The following AMIGO1 variants were observed in gnomAD, a reference collection of about 807,000 sequenced individuals.
AMIGO1 encodes the protein amphoterin-induced protein 1.
For synonymous variants in AMIGO1, 249 were observed against 266.3 expected, an observed-to-expected ratio of 0.93 and a Z score of 0.63; for missense variants, 361 against 612.3, an observed-to-expected ratio of 0.59 and a Z score of 4.33.
rs748921792 is a variant in AMIGO1, at chr1:109,508,007, C to T, written c.906G>A (p.Val302=). The part of the protein sequence containing the change: ...TKQQGMTKVW[V]TPSNERVLDE... ...CTAGCACCCGTTCATTACTTGGTGT[C>T]ACCCACACCTTGGTCATCCCTTGCT... Residue 302 remains valine (V), a synonymous_variant, in exon 2 of 2, where the codon GTG becomes GTA. Coordinates refer to ENST00000369864, the MANE Select transcript of AMIGO1 (RefSeq NM_020703.4). This position sits in a 1 kb window ranked among gnomAD's most constrained non-coding sequence, Gnocchi z 7.8. The T allele has an allele frequency of 3.1e-6, 5 of 1,614,072 alleles. No individual in the cohort carries two copies. The highest frequency in any genetic ancestry group is 4.2e-6 in the Non-Finnish European group (5 of 1,180,046).
chr1:109,505,172 A>G lies in AMIGO1; in HGVS notation c.*2259T>C, dbSNP rs1657982843. ...CTAGTTCTATCTTAATTGCTCATAT[A>G]TTGCTCATATATATAGTCTTCACGG... is the stretch of plus-strand genomic sequence containing the variant. On this transcript the variant is annotated 3_prime_UTR_variant, in exon 2 of 2. Transcript: ENST00000369864. 6.6e-6 allele frequency: 1 copy of G among 152,154 alleles called. No individual in the cohort carries two copies. Among genetic ancestry groups the G allele is most frequent in the Non-Finnish European group, 1.5e-5 (1 of 68,038 alleles). 9.4% of individuals were successfully genotyped at this position (152,154 alleles called of 1,614,324 possible).
In AMIGO1 at chr1:109,508,027, C is replaced by T; in HGVS notation, c.886G>A (p.Gly296Arg). Residue 296 changes from glycine to arginine, a missense_variant, in exon 2 of 2, where the codon GGG becomes AGG. By Grantham distance (125) the Gly-to-Arg change is moderately radical. Transcript: ENST00000369864. The surrounding 1 kb of genome is among the most constrained non-coding windows in gnomAD (Gnocchi z 7.8). ...LIIKCDTKQQ[G>R]MTKVWVTPSN... ...GGTGTCACCCACACCTTGGTCATCC[C>T]TTGCTGCTTGGTGTCACACTTGATG... 1 of 1,614,130 alleles carries T rather than the reference C, an allele frequency of 6.2e-7. No homozygotes were observed.
Position 109,508,721 on chromosome 1 carries a change from T to C in AMIGO1, c.192A>G (p.Ala64=), listed in dbSNP as rs776604823. 3 of 1,613,996 alleles carry C rather than the reference T, an allele frequency of 1.9e-6. No homozygotes were observed. Among genetic ancestry groups the C allele is most frequent in the South Asian group, 1.1e-5 (1 of 91,070 alleles). ...NVPHSLPSYT[A]LLDLSHNNLS... ...GGTTGTTGTGACTGAGGTCCAGTAG[T>C]GCTGTGTAACTGGGCAAGGAATGGG... Residue 64 remains alanine (A), a synonymous_variant, in exon 2 of 2, where the codon GCA becomes GCG. Coordinates refer to ENST00000369864, the MANE Select transcript of AMIGO1 (RefSeq NM_020703.4). The surrounding 1 kb of genome is among the most constrained non-coding windows in gnomAD (Gnocchi z 7.8).
chr1:109,507,103 A>C lies in AMIGO1; in HGVS notation c.*328T>G, dbSNP rs945396519. ...CTCTTAAGGAGCTAGGGATGACCTC[A>C]TGAAAGTTTAGGGAATCTGTTCTTC... On this transcript the variant is annotated 3_prime_UTR_variant, in exon 2 of 2. Transcript: ENST00000369864. This position sits in a 1 kb window ranked among gnomAD's most constrained non-coding sequence, Gnocchi z 4.7. 3.7e-6 allele frequency: 1 copy of C among 269,928 alleles called. No homozygotes were observed. The highest frequency in any genetic ancestry group is 2.2e-5 in the African/African-American group (1 of 45,754). 16.7% of individuals were successfully genotyped at this position (269,928 alleles called of 1,614,324 possible). A position where few individuals can be genotyped will look rare whatever the true frequency, so the allele number is the denominator to read the frequency against.
rs1657990077 is a variant in AMIGO1 at position 109,505,532 on chromosome 1, A to G, written c.*1899T>C. 1 of 152,188 alleles carries G rather than the reference A, an allele frequency of 6.6e-6. No individual in the cohort carries two copies. The highest frequency in any genetic ancestry group is 1.5e-5 in the Non-Finnish European group (1 of 68,036). The allele number at this position is 152,188 out of a possible 1,614,324, so 9.4% of individuals were successfully genotyped here. A position where few individuals can be genotyped will look rare whatever the true frequency, so the allele number is the denominator to read the frequency against. ...CTGGTGTGCATGCATACCTATAAGC[A>G]TGCATACCTATGAGCATGCAGGTAC... On this transcript the variant is annotated 3_prime_UTR_variant, in exon 2 of 2. Coordinates refer to ENST00000369864, the MANE Select transcript of AMIGO1 (RefSeq NM_020703.4).
At position 109,508,668 on chromosome 1, in the gene AMIGO1, G is replaced by C. The variant is rs769112197; in HGVS notation, c.245C>G (p.Pro82Arg). The C allele has an allele frequency of 6.2e-7, 1 of 1,614,164 alleles. No homozygotes were observed. The highest frequency in any genetic ancestry group is 8.5e-7 in the Non-Finnish European group (1 of 1,180,026). ...GGAGTGCAGTTGGGTCAGGCGCGTG[G>C]GGGTCCACTCGGCCCGCAGGCGGCT... ...NLSRLRAEWT[P>R]TRLTQLHSLL... The change falls in exon 2 of 2, where the codon CCC becomes CGC. Residue 82 changes from proline to arginine, a missense_variant. Pro to Arg is a moderately radical substitution (Grantham distance 103). Transcript: ENST00000369864. This position sits in a 1 kb window ranked among gnomAD's most constrained non-coding sequence, Gnocchi z 7.8.
In AMIGO1 at chr1:109,507,712, G is replaced by A. The variant is rs201103189; in HGVS notation, c.1201C>T (p.Arg401Trp). 41 of 1,613,974 alleles carry A rather than the reference G, an allele frequency of 2.5e-5. No individual in the cohort carries two copies. Among genetic ancestry groups the A allele is most frequent in the East Asian group, 4.5e-5 (2 of 44,896 alleles). The change falls in exon 2 of 2, where the codon CGG (arginine) becomes TGG (tryptophan). Residue 401 changes from arginine (R) to tryptophan (W), a missense_variant. By Grantham distance (101) the Arg-to-Trp change is moderately radical (BLOSUM62 -3). Coordinates refer to ENST00000369864, the MANE Select transcript of AMIGO1 (RefSeq NM_020703.4). This position sits in a 1 kb window ranked among gnomAD's most constrained non-coding sequence, Gnocchi z 4.7. ...TGGCTGGAAGGCTTCTCTACACCCC[G>A]GCACCAGCAGCGGCAAGGGGTGAGG... ...LYLTPCRCWCRGVEKPSSHQG... is the reference protein window; with the variant it reads ...LYLTPCRCWCWGVEKPSSHQG...
Position 109,507,602 on chromosome 1 carries a change from A to T in AMIGO1, c.1311T>A (p.Phe437Leu), listed in dbSNP as rs1211136393. 1.9e-6 allele frequency: 3 copies of T among 1,614,152 alleles called. No homozygotes were observed. The highest frequency in any genetic ancestry group is 2.5e-6 in the Non-Finnish European group (3 of 1,180,026). ...PMAGGDKDDG[F>L]DRRVAFLEPA... ...GTTCCAGGAAAGCCACCCGCCGGTC[A>T]AAACCATCATCTTTGTCCCCACCAG... Residue 437 changes from phenylalanine to leucine, a missense_variant, in exon 2 of 2, where the codon TTT (phenylalanine) becomes TTA (leucine). Transcript: ENST00000369864. The surrounding 1 kb of genome is among the most constrained non-coding windows in gnomAD (Gnocchi z 4.7).
rs1658032304 is a variant in AMIGO1 at position 109,506,739 on chromosome 1, G to C, written c.*692C>G. ...CTCTGTGCCATTGGTCCCAGGACAAGGCACAGATACCACATCCCACATTGC... is the reference window on the plus strand; with the variant it reads ...CTCTGTGCCATTGGTCCCAGGACAACGCACAGATACCACATCCCACATTGC... On this transcript the variant is annotated 3_prime_UTR_variant, in exon 2 of 2. Transcript: ENST00000369864. 2 of 152,522 alleles carry C rather than the reference G, an allele frequency of 1.3e-5. No individual in the cohort carries two copies. The highest frequency in any genetic ancestry group is 2.4e-5 in the African/African-American group (1 of 41,462). The allele number at this position is 152,522 out of a possible 1,614,324, so 9.4% of individuals were successfully genotyped here. A position where few individuals can be genotyped will look rare whatever the true frequency, so the allele number is the denominator to read the frequency against.
In AMIGO1 at chr1:109,507,968, A is replaced by C. The variant is rs564085384; in HGVS notation, c.945T>G (p.Asn315Lys). The C allele has an allele frequency of 6.2e-7, 1 of 1,614,038 alleles. No individual in the cohort carries two copies. The highest frequency in any genetic ancestry group is 8.5e-7 in the Non-Finnish European group (1 of 1,180,052). Residue 315 changes from asparagine (N) to lysine (K), a missense_variant, in exon 2 of 2, where the codon AAT becomes AAG. Transcript: ENST00000369864. This position sits in a 1 kb window ranked among gnomAD's most constrained non-coding sequence, Gnocchi z 4.7. ...CATCCTTAGACACACTCACTGTGCC[A>C]TTGGTCACCTCATCTAGCACCCGTT... The part of the protein sequence containing the change: ...SNERVLDEVT[N>K]GTVSVSKDGS...
Position 109,508,457 on chromosome 1 carries a change from G to A in AMIGO1, c.456C>T (p.Cys152=), listed in dbSNP as rs768701638. 2 of 1,614,130 alleles carry A rather than the reference G, an allele frequency of 1.2e-6. No individual in the cohort carries two copies. Among genetic ancestry groups the A allele is most frequent in the Middle Eastern group, 1.6e-4 (1 of 6,062 alleles). ...YNNHIMAVDR[C]AFDDMAQLQK... is the part of the protein sequence containing the mutation. ...GCAGCTGGGCCATGTCATCGAAGGC[G>A]CACCGGTCCACCGCCATGATGTGGT... Residue 152 remains cysteine (C), a synonymous_variant, in exon 2 of 2, where the codon TGC becomes TGT. Coordinates refer to ENST00000369864, the MANE Select transcript of AMIGO1 (RefSeq NM_020703.4). The surrounding 1 kb of genome is among the most constrained non-coding windows in gnomAD (Gnocchi z 7.8).
In AMIGO1 at chr1:109,507,271, C is replaced by T. The variant is rs1658047402; in HGVS notation, c.*160G>A. 3.0e-6 allele frequency: 3 copies of T among 1,007,198 alleles called. No homozygotes were observed. In the South Asian group the frequency reaches 5.1e-5, roughly 17 times the overall value. 62.4% of individuals were successfully genotyped at this position (1,007,198 alleles called of 1,614,324 possible). ...CATTTGAAAATCGTGGCAGCCACGC[C>T]CTGTTTGGGGTCTTGCTCTCTGTTG... On this transcript the variant is annotated 3_prime_UTR_variant, in exon 2 of 2. Coordinates refer to ENST00000369864, the MANE Select transcript of AMIGO1 (RefSeq NM_020703.4). The surrounding 1 kb of genome is among the most constrained non-coding windows in gnomAD (Gnocchi z 4.7).
Position 109,507,967 on chromosome 1 carries a change from C to T in AMIGO1, c.946G>A (p.Gly316Ser), listed in dbSNP as rs1292716186. ...CCATCCTTAGACACACTCACTGTGC[C>T]ATTGGTCACCTCATCTAGCACCCGT... ...NERVLDEVTN[G>S]TVSVSKDGSL... Residue 316 changes from glycine to serine, a missense_variant, in exon 2 of 2, where the codon GGC becomes AGC. Gly to Ser is a moderately conservative substitution (Grantham distance 56, BLOSUM62 0). Transcript: ENST00000369864. This position sits in a 1 kb window ranked among gnomAD's most constrained non-coding sequence, Gnocchi z 4.7. 16 of 1,614,062 alleles carry T rather than the reference C, an allele frequency of 9.9e-6. No individual in the cohort carries two copies. In the Admixed American group the frequency reaches 2.7e-4, roughly 27 times the overall value.
rs1657991179 is a variant in AMIGO1 at position 109,505,596 on chromosome 1, GT to G, written c.*1834del. ...TGCACCTCTCTCTCAACAAAACTAG[GT>G]TACTAATAAAGGATGGACAGCAGTC... On this transcript the variant is annotated 3_prime_UTR_variant, in exon 2 of 2. Coordinates refer to ENST00000369864, the MANE Select transcript of AMIGO1 (RefSeq NM_020703.4). The G allele has an allele frequency of 6.6e-6, 1 of 152,184 alleles. No homozygotes were observed. Among genetic ancestry groups the G allele is most frequent in the Non-Finnish European group, 1.5e-5 (1 of 68,030 alleles). The allele number at this position is 152,184 out of a possible 1,614,324, so 9.4% of individuals were successfully genotyped here.
Position 109,508,691 on chromosome 1 carries a change from G to A in AMIGO1, c.222C>T (p.Ser74=). 1 of 1,614,136 alleles carries A rather than the reference G, an allele frequency of 6.2e-7. No individual in the cohort carries two copies. The highest frequency in any genetic ancestry group is 8.5e-7 in the Non-Finnish European group (1 of 1,180,032). The change falls in exon 2 of 2, where the codon AGC becomes AGT. Residue 74 remains serine (S), a synonymous_variant. Coordinates refer to ENST00000369864, the MANE Select transcript of AMIGO1 (RefSeq NM_020703.4). This position sits in a 1 kb window ranked among gnomAD's most constrained non-coding sequence, Gnocchi z 7.8. The stretch of plus-strand genomic sequence containing the variant: ...TGGGGGTCCACTCGGCCCGCAGGCG[G>A]CTCAGGTTGTTGTGACTGAGGTCCA... ...ALLDLSHNNL[S]RLRAEWTPTR... is the part of the protein sequence containing the mutation.
At position 109,508,591 on chromosome 1, in the gene AMIGO1, G is replaced by A; in HGVS notation, c.322C>T (p.Pro108Ser). 6.2e-7 allele frequency: 1 copy of A among 1,614,184 alleles called. No individual in the cohort carries two copies. Among genetic ancestry groups the A allele is most frequent in the Middle Eastern group, 1.6e-4 (1 of 6,062 alleles). ...LNFISSEAFS[P>S]VPNLRYLDLS... ...TCCAGGTAGCGCAGGTTGGGTACCG[G>A]GGAAAAGGCCTCAGAGGAGATGAAG... The change falls in exon 2 of 2, where the codon CCG (proline) becomes TCG (serine). Residue 108 changes from proline to serine, a missense_variant. By Grantham distance (74) the Pro-to-Ser change is moderately conservative. Transcript: ENST00000369864. This position sits in a 1 kb window ranked among gnomAD's most constrained non-coding sequence, Gnocchi z 7.8.
chr1:109,509,393 T>TC (rs2101061216), intron 1 of AMIGO1, 27 bp downstream of exon 1: 1 of 156,792 alleles, frequency 6.4e-6, no homozygotes, highest in Non-Finnish European at 1.4e-5. Context: ...AGGGGCGGGC[T>TC]CCCCCCGGGG....
rs1192042967 is a variant in AMIGO1 at position 109,505,632 on chromosome 1, C to T, written c.*1799G>A. 1.3e-5 allele frequency: 2 copies of T among 152,170 alleles called. No individual in the cohort carries two copies. The highest frequency in any genetic ancestry group is 2.4e-5 in the African/African-American group (1 of 41,426). 9.4% of individuals were successfully genotyped at this position (152,170 alleles called of 1,614,324 possible). On this transcript the variant is annotated 3_prime_UTR_variant, in exon 2 of 2. Coordinates refer to ENST00000369864, the MANE Select transcript of AMIGO1 (RefSeq NM_020703.4). Reference sequence around the variant, plus strand: ...AGGATGGACAGCAGTCTTGAGTTCCCAGGACCAGACAAGGGGAAGATGTTG... The same window carrying T: ...AGGATGGACAGCAGTCTTGAGTTCCTAGGACCAGACAAGGGGAAGATGTTG...
In AMIGO1 at chr1:109,508,590, G is replaced by A. The variant is rs376002984; in HGVS notation, c.323C>T (p.Pro108Leu). ...LNFISSEAFS[P>L]VPNLRYLDLS... ...GTCCAGGTAGCGCAGGTTGGGTACC[G>A]GGGAAAAGGCCTCAGAGGAGATGAA... The change falls in exon 2 of 2, where the codon CCG becomes CTG. Residue 108 changes from proline (P) to leucine (L), a missense_variant. Pro to Leu is a moderately conservative substitution (Grantham distance 98). Transcript: ENST00000369864. This position sits in a 1 kb window ranked among gnomAD's most constrained non-coding sequence, Gnocchi z 7.8. 35 of 1,614,124 alleles carry A rather than the reference G, an allele frequency of 2.2e-5. No individual in the cohort carries two copies. In the South Asian group the frequency reaches 2.3e-4, roughly 11 times the overall value.
Sources: allele counts gnomAD v4.1 joint callset, GRCh38; gene constraint gnomAD v4.1.1; non-coding constraint Gnocchi (gnomAD v3.1); transcripts MANE v1.5; gene names NCBI Gene and HGNC (gene_info 2026-07-23, HGNC 2026-07-21).